Variants in NPLOC4 observed in about 807,000 individuals in gnomAD.
NPLOC4 encodes the protein NPL4 homolog, ubiquitin recognition factor, also known as nuclear protein localization protein 4 homolog.
Under a neutral mutation model 80.6 loss-of-function variants are expected in NPLOC4, and 18 were observed. The observed-to-expected ratio is 0.22, with a 90% CI of 0.15 to 0.33. NPLOC4 has a LOEUF of 0.33. NPLOC4 is among the 10% of genes least tolerant of loss of function. The pLI is 1.00. For missense variants in NPLOC4, 540 were observed against 786.1 expected, an observed-to-expected ratio of 0.69 and a Z score of 3.74; for synonymous variants, 313 against 301.5, an observed-to-expected ratio of 1.04 and a Z score of -0.39.
At chr17:81,616,515 G>C (rs972496584) in intron 3 of NPLOC4, among the ~76,000 whole-genome samples, 7 of 151,920 alleles carry the variant, frequency 4.6e-5, no homozygotes, top group African/African-American at 1.7e-4. Flanking sequence ...AGGATCATGA[G>C]GTCAGGAGAT....
chr17:81,596,091 A>G, intron 11 of NPLOC4, 25 bp downstream of exon 11: 1 of 1,597,672 alleles, frequency 6.3e-7, no homozygotes, highest in African/African-American at 1.3e-5. Context: ...GGTAATATTT[A>G]CAGTACATAC....
chr17:81,613,228 T>C, intron 4 of NPLOC4, 90 bp downstream of exon 4: 1 of 1,157,230 alleles, frequency 8.6e-7, no homozygotes, highest in Non-Finnish European at 1.2e-6. Flanking sequence ...ATCAGATACT[T>C]ATTAAAACAA....
intron 12 of NPLOC4, 100 bp downstream of exon 12, chr17:81,588,844 A>G (rs144842117): frequency 3.9e-6 from 4 of 1,024,892 alleles, no homozygotes; most frequent in Admixed American, 2.4e-5. Context: ...CACAGCTGAC[A>G]AACGGCTGCT....
intron 15 of NPLOC4, 149 bp from the exon 16 acceptor site, chr17:81,565,756 C>A: frequency 1.6e-6 from 1 of 619,432 alleles, no homozygotes; most frequent in South Asian, 2.2e-5. Context: ...ATGCAAACTG[C>A]CACAACTTAC....
intron 11 of NPLOC4, among the ~76,000 whole-genome samples, chr17:81,595,390 C>T (rs1286299602): frequency 2.1e-5 from 3 of 145,058 alleles, no homozygotes; most frequent in African/African-American, 2.5e-5. Context: ...GCCGAGATTG[C>T]GCCACTGCAC....
Position 81,610,480 on chromosome 17 carries a change from G to A in NPLOC4, c.387-222C>T, listed in dbSNP as rs77528546. ...CCCAGGCTGGAGTGCAGTGGTGATC[G>A]TGGCTCCCTGCAGCCTTCACCTCCT... On this transcript the variant is annotated intron_variant, in intron 4 of 16. Transcript: ENST00000331134. 4.1e-3 allele frequency among the ~76,000 whole-genome samples: 630 copies of A among 152,044 alleles called. 2 individuals are homozygous for A. The highest frequency in any genetic ancestry group is 0.015 in the African/African-American group (603 of 41,468).
intron 6 of NPLOC4, among the ~76,000 whole-genome samples, chr17:81,607,805 T>C (rs1165780729): frequency 1.3e-5 from 2 of 152,236 alleles, no homozygotes; most frequent in Non-Finnish European, 2.9e-5. Context: ...TTTTTTCTTC[T>C]GGTCTAACAT....
chr17:81,557,410 C>T lies in NPLOC4; in HGVS notation c.*1849G>A, dbSNP rs1325638215. ...AACATGAATGATGTGAATGCCGGAACTTCAGAGTAAGGGAAATGCTGGTGG... is the reference window on the plus strand; with the variant it reads ...AACATGAATGATGTGAATGCCGGAATTTCAGAGTAAGGGAAATGCTGGTGG... On this transcript the variant is annotated 3_prime_UTR_variant, in exon 17 of 17. Coordinates refer to ENST00000331134, the MANE Select transcript of NPLOC4 (RefSeq NM_017921.4). 6.6e-6 allele frequency: 1 copy of T among 152,384 alleles called. No homozygotes were observed. The highest frequency in any genetic ancestry group is 2.4e-5 in the African/African-American group (1 of 41,462). 9.4% of individuals were successfully genotyped at this position (152,384 alleles called of 1,614,324 possible).
chr17:81,591,447 G>GAAAACAAAAAA (rs2034737707), intron 11 of NPLOC4, among the ~76,000 whole-genome samples: 4 of 76,324 alleles, frequency 5.2e-5, no homozygotes, highest in Admixed American at 1.6e-4. Context: ...GAGTAAAACA[G>GAAAACAAAAAA]AAAAAAAAAA....
At chr17:81,570,842 G>C (rs2034143584) in intron 13 of NPLOC4, among the ~76,000 whole-genome samples, 1 of 152,186 alleles carries the variant, frequency 6.6e-6, no homozygotes, top group Non-Finnish European at 1.5e-5. Flanking sequence ...CACTTCCACA[G>C]GGTCAAGGAG....
chr17:81,589,254 G>T, intron 11 of NPLOC4, 150 bp from the exon 12 acceptor site: 1 of 651,480 alleles, frequency 1.5e-6, no homozygotes, highest in Non-Finnish European at 2.5e-6. Flanking sequence ...TAGTCGGCCG[G>T]GTGCGGTGGC....
chr17:81,578,519 A>G (rs1402102347), intron 12 of NPLOC4, among the ~76,000 whole-genome samples: 1 of 152,238 alleles, frequency 6.6e-6, no homozygotes, highest in African/African-American at 2.4e-5. Context: ...GGTAATTTAT[A>G]AGAGGTTTAA....
rs552154986 is a variant in NPLOC4, at chr17:81,565,169, G to A, written c.1669+336C>T. 8.8e-5 allele frequency: 53 copies of A among 603,740 alleles called. No homozygotes were observed. In the Admixed American group the frequency reaches 1.2e-3, roughly 14 times the overall value. The allele number at this position is 603,740 out of a possible 1,614,324, so 37.4% of individuals were successfully genotyped here. On this transcript the variant is annotated intron_variant, in intron 16 of 16. Transcript: ENST00000331134. Reference sequence around the variant, plus strand: ...GGAGACCAAAAGGTCCCACGCTTCCGGCGCTTCCATAAAGTTTCTGATTCT... The same window carrying A: ...GGAGACCAAAAGGTCCCACGCTTCCAGCGCTTCCATAAAGTTTCTGATTCT...
Position 81,572,005 on chromosome 17 carries a change from G to C in NPLOC4, c.1353+12C>G, listed in dbSNP as rs374465538. 6.3e-7 allele frequency: 1 copy of C among 1,594,476 alleles called. No individual in the cohort carries two copies. The highest frequency in any genetic ancestry group is 1.1e-5 in the South Asian group (1 of 88,150). On this transcript the variant is annotated intron_variant, in intron 13 of 16. Transcript: ENST00000331134. The surrounding 1 kb of genome is among the most constrained non-coding windows in gnomAD (Gnocchi z 4.5). ...GGTCCACCTGCCCAAGCTGTGCATGGGGGGCACTTACGTCTATGATGAGAT... is the reference window on the plus strand; with the variant it reads ...GGTCCACCTGCCCAAGCTGTGCATGCGGGGCACTTACGTCTATGATGAGAT...
chr17:81,569,309 T>A (rs954810356), intron 13 of NPLOC4, among the ~76,000 whole-genome samples, 198 bp from the exon 14 acceptor site: 1 of 152,244 alleles, frequency 6.6e-6, no homozygotes, highest in African/African-American at 2.4e-5. Context: ...TCCGCCATCC[T>A]GGAGACAAAC....
At chr17:81,579,569 G>A (rs2034385307) in intron 12 of NPLOC4, among the ~76,000 whole-genome samples, 1 of 151,858 alleles carries the variant, frequency 6.6e-6, no homozygotes, top group South Asian at 2.1e-4. Flanking sequence ...CCCCAAACCT[G>A]CATCCCATCG....
At chr17:81,587,570 C>G (rs1166100234) in intron 12 of NPLOC4, among the ~76,000 whole-genome samples, 1 of 143,970 alleles carries the variant, frequency 6.9e-6, no homozygotes, top group African/African-American at 2.6e-5. Flanking sequence ...CCGCCTCAGC[C>G]TCCGAAAGGG....
chr17:81,599,150 G>C lies in NPLOC4; in HGVS notation c.921+1191C>G, dbSNP rs143855383. ...TTAAAAATACAAAAATTAACTGGGC[G>C]TTGTGGCGGGTGCCTGTAATCCCAG... On this transcript the variant is annotated intron_variant, in intron 9 of 16. Transcript: ENST00000331134. Among the ~76,000 whole-genome samples the C allele has an allele frequency of 5.9e-5, 9 of 151,876 alleles. No homozygotes were observed. In the East Asian group the frequency reaches 1.7e-3, roughly 29 times the overall value.
chr17:81,576,465 G>A (rs1298304640), intron 12 of NPLOC4, among the ~76,000 whole-genome samples: 6 of 152,304 alleles, frequency 3.9e-5, no homozygotes, highest in Non-Finnish European at 8.8e-5. Context: ...ACTTTGGGGC[G>A]TGAGTGCATG....
Sources: allele counts gnomAD v4.1 joint callset (sites outside exome capture counted in the v4.1 genomes callset), GRCh38; gene constraint gnomAD v4.1.1; non-coding constraint Gnocchi (gnomAD v3.1); transcripts MANE v1.5; gene names NCBI Gene and HGNC (gene_info 2026-07-23, HGNC 2026-07-21).